FBXL20: variants seen among roughly 807,000 people sequenced by gnomAD.
FBXL20 encodes the protein F-box/LRR-repeat protein 20.
FBXL20 carries 11 observed loss-of-function variants against 64.0 expected under a neutral mutation model. That is an observed-to-expected ratio of 0.17 (90% CI 0.11 to 0.28). FBXL20 has a LOEUF of 0.28. Among genes scored for constraint, FBXL20 ranks in the 10% least tolerant of loss-of-function variants. The pLI is 1.00. For missense variants in FBXL20, 303 were observed against 526.2 expected (o/e 0.58, Z 4.15); for synonymous variants, 184 against 189.0 (o/e 0.97, Z 0.22).
chr17:39,272,571 G>A (rs1345499472), intron 10 of FBXL20, among the ~76,000 whole-genome samples: 6 of 150,948 alleles, frequency 4.0e-5, no homozygotes, highest in Non-Finnish European at 4.4e-5. Context: ...GCATGGTAGC[G>A]TATGCCTGTA....
At chr17:39,263,521 G>GA (rs879594735) in intron 14 of FBXL20, among the ~76,000 whole-genome samples, 3 of 151,778 alleles carry the variant, frequency 2.0e-5, no homozygotes, top group African/African-American at 7.3e-5. Context: ...CTTAAAAAAT[G>GA]AAAAAAACAA....
chr17:39,285,596 A>G (rs1192005590), intron 6 of FBXL20, 23 bp from the exon 7 acceptor site: 2 of 1,485,412 alleles, frequency 1.3e-6, no homozygotes, highest in Non-Finnish European at 1.9e-6. Flanking sequence ...AAAAGGAGAA[A>G]ATAATGAATA....
chr17:39,327,194 G>A (rs1483320358), intron 2 of FBXL20, among the ~76,000 whole-genome samples: 1 of 152,054 alleles, frequency 6.6e-6, no homozygotes, highest in Non-Finnish European at 1.5e-5. Flanking sequence ...CCCTGTCTTG[G>A]CCTTTAAAAG....
chr17:39,316,937 G>A (rs938579019), intron 2 of FBXL20, among the ~76,000 whole-genome samples: 2 of 152,178 alleles, frequency 1.3e-5, no homozygotes, highest in South Asian at 2.1e-4. Context: ...TGCAGTGAGC[G>A]GAGATTGCGC....
At chr17:39,380,549 T>C (rs541034777) in intron 1 of FBXL20, among the ~76,000 whole-genome samples, 14 of 152,316 alleles carry the variant, frequency 9.2e-5, no homozygotes, top group African/African-American at 3.1e-4. Context: ...ATTACCTTAA[T>C]AGTGAGGTCT....
chr17:39,308,142 C>CT (rs745543922), intron 2 of FBXL20, among the ~76,000 whole-genome samples: 2,882 of 141,758 alleles, frequency 0.02, 69 homozygotes, highest in African/African-American at 0.056. Flanking sequence ...AAAGTTTGAT[C>CT]TTTTTTTTTT....
In FBXL20 at chr17:39,399,762, T is replaced by C. The variant is rs191258543; in HGVS notation, c.42+1599A>G. Among the ~76,000 whole-genome samples the C allele has an allele frequency of 3.5e-4, 53 of 152,174 alleles. 2 individuals carry two copies. The East Asian group carries it at 9.2e-3, about 27-fold the overall frequency. ...TTATAGTATGCCACCCCTACAGAGATTGTAAATTAAAGTATAAGATAATTA... is the reference window on the plus strand; with the variant it reads ...TTATAGTATGCCACCCCTACAGAGACTGTAAATTAAAGTATAAGATAATTA... On this transcript the variant is annotated intron_variant, in intron 1 of 14. Transcript: ENST00000264658.
chr17:39,324,576 G>A (rs960910816), intron 2 of FBXL20, among the ~76,000 whole-genome samples: 1 of 152,140 alleles, frequency 6.6e-6, no homozygotes, highest in Non-Finnish European at 1.5e-5. Context: ...GAGCAATGGC[G>A]CCTGGCCCAG....
chr17:39,357,275 CA>C (rs34332873), intron 1 of FBXL20, among the ~76,000 whole-genome samples: 225 of 93,122 alleles, frequency 2.4e-3, no homozygotes, highest in Middle Eastern at 6.1e-3. Flanking sequence ...AACTCTGTCT[CA>C]AAAAAAAAAA....
intron 1 of FBXL20, among the ~76,000 whole-genome samples, chr17:39,386,139 C>G (rs548725251): frequency 2.0e-5 from 3 of 150,974 alleles, no homozygotes; most frequent in African/African-American, 7.3e-5. Context: ...GTCAGGACAT[C>G]CAGACTACCA....
At chr17:39,330,882 G>C (rs549066773) in intron 2 of FBXL20, among the ~76,000 whole-genome samples, 78 of 152,296 alleles carry the variant, frequency 5.1e-4, no homozygotes, top group African/African-American at 1.8e-3. Context: ...CATGTACAAA[G>C]TTTGTAAATT....
At chr17:39,373,718 G>A (rs2047939468) in intron 1 of FBXL20, among the ~76,000 whole-genome samples, 1 of 152,038 alleles carries the variant, frequency 6.6e-6, no homozygotes, top group Admixed American at 6.6e-5. Context: ...GTTCAATTTT[G>A]TCTAGCCTAC....
At chr17:39,370,016 T>C (rs914136726) in intron 1 of FBXL20, among the ~76,000 whole-genome samples, 2 of 151,658 alleles carry the variant, frequency 1.3e-5, no homozygotes, top group African/African-American at 4.8e-5. Context: ...AGGAGGATCA[T>C]TTGAGCCCAG....
chr17:39,276,221 G>GAAAAAAAA lies in FBXL20; in HGVS notation c.697-1129_697-1122dup, dbSNP rs1215336803. Among the ~76,000 whole-genome samples, 386 of 60,522 alleles carry GAAAAAAAA rather than the reference G, an allele frequency of 6.4e-3. 1 individual carries two copies. The highest frequency in any genetic ancestry group is 8.9e-3 in the Non-Finnish European group (287 of 32,274). 39.7% of individuals were successfully genotyped at this position (60,522 alleles called of 152,430 possible). A position where few individuals can be genotyped will look rare whatever the true frequency, so the allele number is the denominator to read the frequency against. On this transcript the variant is annotated intron_variant, in intron 9 of 14. Coordinates refer to ENST00000264658, the MANE Select transcript of FBXL20 (RefSeq NM_032875.3). Reference sequence around the variant, plus strand: ...TCCACCAGGCAATAGAGCAAGAAAAGAAAAAAAAAAAAAAAAAAAAAAGGG... The same window carrying GAAAAAAAA: ...TCCACCAGGCAATAGAGCAAGAAAAGAAAAAAAAAAAAAAAAAAAAAAAAAAAAAAGGG...
At chr17:39,388,576 C>A (rs925946607) in intron 1 of FBXL20, among the ~76,000 whole-genome samples, 7 of 150,662 alleles carry the variant, frequency 4.6e-5, no homozygotes, top group Admixed American at 3.3e-4. Context: ...CTCCGCCTCT[C>A]GGGTTCAAGC....
chr17:39,307,970 CA>C (rs141151872), intron 2 of FBXL20, among the ~76,000 whole-genome samples: 18,744 of 87,624 alleles, frequency 0.21, 1,471 homozygotes, highest in African/African-American at 0.32. Context: ...GACATCATTT[CA>C]AAAAAAAAAA....
At chr17:39,334,508 A>T (rs1019110317) in intron 2 of FBXL20, among the ~76,000 whole-genome samples, 3 of 139,926 alleles carry the variant, frequency 2.1e-5, no homozygotes, top group African/African-American at 8.7e-5. Flanking sequence ...CGAAAAAAAA[A>T]TTCAGCTAAT....
At chr17:39,281,499 T>G in intron 8 of FBXL20, 36 bp from the exon 9 acceptor site, 2 of 1,539,102 alleles carry the variant, frequency 1.3e-6, no homozygotes, top group South Asian at 1.1e-5. Flanking sequence ...AAATGATTAT[T>G]GACATTGTCT....
At chr17:39,346,284 T>C (rs2047631804) in intron 1 of FBXL20, among the ~76,000 whole-genome samples, 1 of 152,054 alleles carries the variant, frequency 6.6e-6, no homozygotes, top group South Asian at 2.1e-4. Context: ...AAGGATGCAG[T>C]GGAGCATGTT....
Sources: allele counts gnomAD v4.1 joint callset (sites outside exome capture counted in the v4.1 genomes callset), GRCh38; gene constraint gnomAD v4.1.1; transcripts MANE v1.5; gene names NCBI Gene and HGNC (gene_info 2026-07-23, HGNC 2026-07-21).